LMF1: variants seen among roughly 807,000 people sequenced by gnomAD.
LMF1 encodes the protein lipase maturation factor 1.
In LMF1, 68 loss-of-function variants were observed where a neutral mutation model predicts 60.6. The ratio of observed to expected loss-of-function variants is 1.12; its 90% CI spans 0.92 to 1.37. The LOEUF is 1.37. Among genes scored for constraint, LMF1 ranks in the 40% most tolerant of loss-of-function variants. LMF1 has a pLI of 0.00. For missense variants in LMF1, 948 were observed against 767.2 expected, an observed-to-expected ratio of 1.24 and a Z score of -2.78; for synonymous variants, 418 against 324.7, an observed-to-expected ratio of 1.29 and a Z score of -3.09.
At chr16:871,615 C>G (rs536987800) in intron 6 of LMF1, 9 of 452,060 alleles carry the variant, frequency 2.0e-5, no homozygotes, top group Non-Finnish European at 2.4e-5. Flanking sequence ...TTTAGTGATC[C>G]GCAAGGCGGG....
intron 2 of LMF1, chr16:947,259 C>T (rs551592034): frequency 5.7e-6 from 2 of 352,518 alleles, no homozygotes; most frequent in African/African-American, 2.1e-5. Flanking sequence ...AATATGTCTA[C>T]GCCTTGTCAA....
intron 1 of LMF1, among the ~76,000 whole-genome samples, chr16:960,519 C>A (rs1293383544): frequency 5.3e-5 from 6 of 113,708 alleles, no homozygotes; most frequent in East Asian, 2.5e-4. Context: ...ACCCAGACAC[C>A]ATCTCATGGT....
intron 5 of LMF1, among the ~76,000 whole-genome samples, chr16:881,052 C>G (rs1448211424): frequency 6.6e-6 from 1 of 152,210 alleles, no homozygotes; most frequent in East Asian, 1.9e-4. Context: ...AATCCGCACC[C>G]AGGTCCTGGG....
intron 2 of LMF1, among the ~76,000 whole-genome samples, chr16:953,169 CCA>C (rs1409429934): frequency 8.4e-6 from 1 of 118,664 alleles, no homozygotes; most frequent in Non-Finnish European, 1.8e-5. Flanking sequence ...TCCTGCACGT[CCA>C]CACAGACACC....
At chr16:944,162 T>C (rs9925506) in intron 2 of LMF1, among the ~76,000 whole-genome samples, 72,214 of 151,600 alleles carry the variant, frequency 0.48, 18,845 homozygotes, top group African/African-American at 0.69. Context: ...AAGTCACCTC[T>C]GGACCGGCTG....
In LMF1 at chr16:862,152, A is replaced by G. The variant is rs558056013; in HGVS notation, c.1529+6792T>C. ...TGGTCATGGCATAGAATTCTTTGTTATATATTGGCAAATTCTATTTAGTAA... is the reference window on the plus strand; with the variant it reads ...TGGTCATGGCATAGAATTCTTTGTTGTATATTGGCAAATTCTATTTAGTAA... On this transcript the variant is annotated intron_variant, in intron 10 of 10. Transcript: ENST00000262301. Among the ~76,000 whole-genome samples, 4 of 151,064 alleles carry G rather than the reference A, an allele frequency of 2.6e-5. 1 individual carries two copies. The South Asian group carries it at 8.4e-4, about 32-fold the overall frequency.
intron 4 of LMF1, among the ~76,000 whole-genome samples, chr16:894,709 C>G (rs117440641): frequency 2.6e-4 from 39 of 152,202 alleles, no homozygotes; most frequent in African/African-American, 8.9e-4. Context: ...CTGCAGGTAG[C>G]GCTGTCTCAC....
chr16:937,064 G>A (rs991010879), intron 2 of LMF1, among the ~76,000 whole-genome samples: 1 of 152,200 alleles, frequency 6.6e-6, no homozygotes, highest in Non-Finnish European at 1.5e-5. Flanking sequence ...GTTGTGCAGA[G>A]AAGGGGTGAG....
chr16:899,478 C>G (rs144783625), intron 4 of LMF1: 3 of 152,270 alleles, frequency 2.0e-5, no homozygotes, highest in African/African-American at 4.8e-5. Context: ...TAATTACTCT[C>G]GTTCTGGAGT....
Position 854,530 on chromosome 16 carries a change from G to A in LMF1, c.*2C>T, listed in dbSNP as rs372841884. ...GTCTTCGCCTTTATTTCTGGTGCAC[G>A]TCTAGAGGGGCCCGGGCAGAGGCCA... is the stretch of plus-strand genomic sequence containing the variant. On this transcript the variant is annotated 3_prime_UTR_variant, in exon 11 of 11. Transcript: ENST00000262301. The A allele has an allele frequency of 6.8e-6, 11 of 1,605,922 alleles. No individual in the cohort carries two copies. The highest frequency in any genetic ancestry group is 5.1e-5 in the Admixed American group (3 of 59,352).
At chr16:973,284 G>T (rs1157370454), upstream of LMF1, among the ~76,000 whole-genome samples, 1 of 152,212 alleles carries the variant, frequency 6.6e-6, no homozygotes, top group Non-Finnish European at 1.5e-5. Context: ...GGTGGAGGTT[G>T]CAGTGAGCCT....
At chr16:898,432 G>A (rs1034441979) in intron 4 of LMF1, among the ~76,000 whole-genome samples, 2 of 152,232 alleles carry the variant, frequency 1.3e-5, no homozygotes, top group Admixed American at 1.3e-4. Flanking sequence ...GGGATCTAAG[G>A]CCTGTTCTCA....
intron 2 of LMF1, among the ~76,000 whole-genome samples, chr16:952,918 TCCACACAGACACCCACCCCAAACCAGCC>T: frequency 8.6e-6 from 1 of 116,936 alleles, no homozygotes; most frequent in African/African-American, 3.7e-5. Flanking sequence ...CTCCTACACG[TCCACACAGACACCCACCCCAAACCAGCC>T]TCCTGCACGT....
intron 5 of LMF1, among the ~76,000 whole-genome samples, chr16:885,920 G>C (rs1380078748): frequency 6.6e-6 from 1 of 152,152 alleles, no homozygotes; most frequent in Non-Finnish European, 1.5e-5. Flanking sequence ...GGCTCAAACG[G>C]AACTTTCACT....
intron 2 of LMF1, among the ~76,000 whole-genome samples, chr16:950,686 G>A (rs192062586): frequency 5.3e-5 from 8 of 150,038 alleles, no homozygotes; most frequent in Admixed American, 2.6e-4. Flanking sequence ...GACAGAGTCA[G>A]CCAACGACAG....
upstream of LMF1, among the ~76,000 whole-genome samples, chr16:975,180 C>G (rs1032094286): frequency 6.6e-5 from 10 of 152,176 alleles, no homozygotes; most frequent in Non-Finnish European, 1.0e-4. Flanking sequence ...CGAGTGTTCC[C>G]ACCCCTGCAC....
intron 1 of LMF1, chr16:979,804 G>C (rs1445897145): frequency 6.6e-6 from 3 of 453,148 alleles, no homozygotes; most frequent in South Asian, 3.1e-5. Flanking sequence ...AGTTTGGACC[G>C]GACCCCCACC....
chr16:870,585 G>A (rs1296461109), intron 8 of LMF1, 144 bp downstream of exon 8: 2 of 948,130 alleles, frequency 2.1e-6, no homozygotes, highest in Non-Finnish European at 3.2e-6. Context: ...GGACAGCACG[G>A]CCTGTGCCTG....
intron 1 of LMF1, among the ~76,000 whole-genome samples, chr16:958,182 G>A (rs2072747096): frequency 6.6e-6 from 1 of 152,174 alleles, no homozygotes; most frequent in Non-Finnish European, 1.5e-5. Flanking sequence ...ACTTGGGTTT[G>A]GCAACAAGTT....
Sources: allele counts gnomAD v4.1 joint callset (sites outside exome capture counted in the v4.1 genomes callset), GRCh38; gene constraint gnomAD v4.1.1; transcripts MANE v1.5; gene names NCBI Gene and HGNC (gene_info 2026-07-23, HGNC 2026-07-21).